TMEM132D: variants seen among roughly 807,000 people sequenced by gnomAD.
The protein encoded by TMEM132D is transmembrane protein 132D.
A neutral mutation model predicts 62.3 loss-of-function variants in TMEM132D; 21 were observed. The ratio of observed to expected loss-of-function variants is 0.34; its 90% CI spans 0.24 to 0.49. The LOEUF is 0.49. Among genes scored for constraint, TMEM132D ranks in the 20% least tolerant of loss-of-function variants. The pLI, the probability that TMEM132D is intolerant of heterozygous loss-of-function variation, is 0.99. For synonymous variants in TMEM132D, 621 were observed against 575.6 expected (o/e 1.08, Z -1.13); for missense variants, 1,346 against 1,402.8 (o/e 0.96, Z 0.65).
chr12:129,774,246 T>C (rs1870848855), intron 1 of TMEM132D, among the ~76,000 whole-genome samples: 2 of 152,140 alleles, frequency 1.3e-5, no homozygotes. Context: ...TTAGGATACA[T>C]TTTCTGTCTT....
chr12:129,232,213 T>C (rs950555461), intron 4 of TMEM132D, among the ~76,000 whole-genome samples: 1 of 152,156 alleles, frequency 6.6e-6, no homozygotes, highest in African/African-American at 2.4e-5. Context: ...GTGAGTTTTG[T>C]CCATGAAAAA....
intron 4 of TMEM132D, among the ~76,000 whole-genome samples, chr12:129,237,505 T>C (rs1169781398): frequency 2.6e-5 from 4 of 152,228 alleles, no homozygotes; most frequent in Non-Finnish European, 5.9e-5. Flanking sequence ...ATTGGATATT[T>C]AGAAAATTAT....
intron 2 of TMEM132D, among the ~76,000 whole-genome samples, chr12:129,628,600 C>A (rs747327521): frequency 3.5e-4 from 53 of 152,304 alleles, no homozygotes; most frequent in Middle Eastern, 3.4e-3. Flanking sequence ...ACAGACACAG[C>A]CCCCACCTTT....
At chr12:129,604,271 A>G (rs1249895629) in intron 2 of TMEM132D, among the ~76,000 whole-genome samples, 1 of 152,184 alleles carries the variant, frequency 6.6e-6, no homozygotes. Flanking sequence ...CCACCATGGC[A>G]GACGTATACC....
intron 4 of TMEM132D, among the ~76,000 whole-genome samples, chr12:129,300,899 G>A (rs1195099463): frequency 6.6e-6 from 1 of 152,066 alleles, no homozygotes; most frequent in Non-Finnish European, 1.5e-5. Context: ...CTCCAATCTG[G>A]TGCTTCACTT....
At chr12:129,811,116 G>T (rs1872163467) in intron 1 of TMEM132D, among the ~76,000 whole-genome samples, 1 of 151,758 alleles carries the variant, frequency 6.6e-6, no homozygotes, top group African/African-American at 2.4e-5. Context: ...GATTTAACAA[G>T]AAATTTGTCA....
At chr12:129,395,914 CATT>C (rs1235734801) in intron 3 of TMEM132D, among the ~76,000 whole-genome samples, 5 of 144,680 alleles carry the variant, frequency 3.5e-5, no homozygotes, top group African/African-American at 7.6e-5. Flanking sequence ...CTATATAATA[CATT>C]ATATTATACA....
At chr12:129,525,448 T>C (rs1479013416) in intron 3 of TMEM132D, among the ~76,000 whole-genome samples, 1 of 152,042 alleles carries the variant, frequency 6.6e-6, no homozygotes, top group Non-Finnish European at 1.5e-5. Context: ...ATTCATCTTG[T>C]ACTTTGGCAA....
intron 2 of TMEM132D, among the ~76,000 whole-genome samples, chr12:129,643,666 GT>G (rs1370791547): frequency 1.3e-5 from 2 of 152,086 alleles, no homozygotes; most frequent in Admixed American, 1.3e-4. Context: ...TCTATTCAAA[GT>G]CCCCCCTCTG....
intron 1 of TMEM132D, among the ~76,000 whole-genome samples, chr12:129,740,490 C>T (rs1180968365): frequency 6.6e-6 from 1 of 152,074 alleles, no homozygotes; most frequent in Non-Finnish European, 1.5e-5. Context: ...AAATATTATT[C>T]TTCTCTCATG....
chr12:129,077,504 A>G (rs1004703614), intron 8 of TMEM132D, among the ~76,000 whole-genome samples: 2 of 150,112 alleles, frequency 1.3e-5, no homozygotes, highest in East Asian at 3.9e-4. Context: ...CCCCTATAAC[A>G]GTCCCCTTTG....
At chr12:129,579,162 G>C (rs1877769714) in intron 2 of TMEM132D, among the ~76,000 whole-genome samples, 2 of 152,222 alleles carry the variant, frequency 1.3e-5, no homozygotes, top group South Asian at 4.1e-4. Flanking sequence ...AACGATGAAT[G>C]CTGATCCTAT....
chr12:129,074,277 C>G lies in TMEM132D; in HGVS notation c.2898G>C (p.Gly966=), dbSNP rs770985214. ...EGMSHSHDWV[G]LSNRTELLEN... ...CCAACAGCTCTGTCCGGTTGCTTAA[C>G]CCAACCCAGTCATGAGAGTGACTCA... The change falls in exon 9 of 9, where the codon GGG becomes GGC. Residue 966 remains glycine, a synonymous_variant. Coordinates refer to ENST00000422113, the MANE Select transcript of TMEM132D (RefSeq NM_133448.3). The G allele has an allele frequency of 1.2e-6, 2 of 1,613,976 alleles. No individual in the cohort carries two copies. The highest frequency in any genetic ancestry group is 1.7e-6 in the Non-Finnish European group (2 of 1,180,036).
chr12:129,735,606 C>G (rs1037773299), intron 1 of TMEM132D, among the ~76,000 whole-genome samples: 1 of 151,986 alleles, frequency 6.6e-6, no homozygotes, highest in African/African-American at 2.4e-5. Flanking sequence ...ATAGACATAA[C>G]AGCCTAAATA....
At chr12:129,092,356 CT>C (rs1009362075) in intron 5 of TMEM132D, among the ~76,000 whole-genome samples, 5 of 108,352 alleles carry the variant, frequency 4.6e-5, no homozygotes, top group Admixed American at 3.1e-4. Flanking sequence ...GAAATTCTGT[CT>C]TTTTTTCCCC....
At chr12:129,862,065 C>G (rs1320606818) in intron 1 of TMEM132D, among the ~76,000 whole-genome samples, 2 of 152,162 alleles carry the variant, frequency 1.3e-5, no homozygotes, top group Admixed American at 6.5e-5. Context: ...CCCTAGCCTC[C>G]AAATTCTCTG....
chr12:129,175,300 G>A (rs767693731), intron 5 of TMEM132D, among the ~76,000 whole-genome samples: 12 of 152,064 alleles, frequency 7.9e-5, no homozygotes, highest in African/African-American at 2.2e-4. Flanking sequence ...TGGATGCCCC[G>A]CTTTTCAAGA....
chr12:129,326,173 A>T (rs762980477), intron 4 of TMEM132D, among the ~76,000 whole-genome samples: 1 of 152,232 alleles, frequency 6.6e-6, no homozygotes, highest in Non-Finnish European at 1.5e-5. Context: ...GGTGACATAT[A>T]GTCAGAATTC....
At chr12:129,309,978 G>A (rs902621657) in intron 4 of TMEM132D, among the ~76,000 whole-genome samples, 1 of 152,128 alleles carries the variant, frequency 6.6e-6, no homozygotes, top group African/African-American at 2.4e-5. Flanking sequence ...ACAAAGCATG[G>A]TCAGAAAAGG....
Sources: gnomAD v4.1 joint callset for allele counts (sites outside exome capture counted in the v4.1 genomes callset) on GRCh38, gnomAD v4.1.1 for gene constraint, MANE v1.5 for transcripts, NCBI Gene and HGNC (gene_info 2026-07-23, HGNC 2026-07-21) for gene names.